Variants in SEMA3A observed in about 807,000 individuals in gnomAD.
The protein encoded by SEMA3A is semaphorin 3A, also known as semaphorin-3A.
Under a neutral mutation model 97.9 loss-of-function variants are expected in SEMA3A, and 29 were observed. The observed-to-expected ratio is 0.30, with a 90% CI of 0.22 to 0.40. The LOEUF (loss-of-function observed/expected upper bound fraction) is 0.40, where lower values mean the gene tolerates loss of function less well. Among genes scored for constraint, SEMA3A ranks in the 10% least tolerant of loss-of-function variants. The pLI, the probability that SEMA3A is intolerant of heterozygous loss-of-function variation, is 1.00. For synonymous variants in SEMA3A, 321 were observed against 323.7 expected, an observed-to-expected ratio of 0.99 and a Z score of 0.09; for missense variants, 763 against 951.3, an observed-to-expected ratio of 0.80 and a Z score of 2.60.
At chr7:84,090,595 G>A (rs1319395986) in intron 4 of SEMA3A, among the ~76,000 whole-genome samples, 3 of 152,018 alleles carry the variant, frequency 2.0e-5, no homozygotes, top group Non-Finnish European at 4.4e-5. Flanking sequence ...ATAAATAAAA[G>A]GGGAACCAAA....
At chr7:84,236,761 C>A (rs1166839256) in intron 3 of SEMA3A, among the ~76,000 whole-genome samples, 1 of 152,110 alleles carries the variant, frequency 6.6e-6, no homozygotes, top group Non-Finnish European at 1.5e-5. Flanking sequence ...AAAACCAATT[C>A]AAGTGTGTTA....
intron 1 of SEMA3A, among the ~76,000 whole-genome samples, chr7:84,161,350 G>A (rs1797028560): frequency 6.6e-6 from 1 of 151,708 alleles, no homozygotes; most frequent in Non-Finnish European, 1.5e-5. Flanking sequence ...GGCAACAAGA[G>A]CAAAATTCCA....
intron 1 of SEMA3A, among the ~76,000 whole-genome samples, chr7:84,465,053 A>C (rs1463711474): frequency 6.6e-6 from 1 of 152,206 alleles, no homozygotes; most frequent in Non-Finnish European, 1.5e-5. Flanking sequence ...AGACTTAAGG[A>C]TAAAAAGTCC....
chr7:84,002,044 C>A lies in SEMA3A; in HGVS notation c.1363G>T (p.Val455Phe), dbSNP rs757107325. ...GAAACTACTTTAAGAACGGTCCCAA[C>A]ATCTTTGAAAGAAAGTGGGGAGAAG... ...QYDVMFIGTD[V>F]GTVLKVVSIP... The change falls in exon 12 of 17, where the codon GTT becomes TTT. Residue 455 changes from valine to phenylalanine, a missense_variant and splice_region_variant. This residue lies in a region of SEMA3A where 678 missense variants were observed against 881.3 expected (regional missense o/e 0.77). Transcript: ENST00000265362. 1.3e-6 allele frequency: 2 copies of A among 1,596,340 alleles called. No individual in the cohort carries two copies. The highest frequency in any genetic ancestry group is 2.2e-5 in the South Asian group (2 of 90,328).
chr7:84,465,302 T>C (rs897416066), intron 1 of SEMA3A, among the ~76,000 whole-genome samples: 22 of 152,144 alleles, frequency 1.4e-4, no homozygotes, highest in African/African-American at 5.1e-4. Context: ...TCCTCATTCA[T>C]ACCCCAATCA....
intron 6 of SEMA3A, among the ~76,000 whole-genome samples, chr7:84,042,866 T>C (rs139576991): frequency 2.6e-5 from 4 of 152,180 alleles, no homozygotes; most frequent in South Asian, 2.1e-4. Context: ...ATATGGACAA[T>C]AACTAGGTAG....
chr7:84,441,040 C>T (rs562011810), intron 1 of SEMA3A, among the ~76,000 whole-genome samples: 1 of 152,170 alleles, frequency 6.6e-6, no homozygotes, highest in Admixed American at 6.5e-5. Flanking sequence ...TGCCTGTAAT[C>T]CCAGCTACTG....
chr7:84,319,510 C>T (rs889445443), intron 2 of SEMA3A, among the ~76,000 whole-genome samples: 16 of 151,814 alleles, frequency 1.1e-4, no homozygotes, highest in African/African-American at 3.9e-4. Context: ...GCTTATTAGC[C>T]AGGAGATTCA....
At position 84,377,678 on chromosome 7, in the gene SEMA3A, C is replaced by A. The variant is rs1010076482; in HGVS notation, c.-245-5778G>T. Among the ~76,000 whole-genome samples the A allele has an allele frequency of 2.0e-5, 3 of 152,212 alleles. No homozygotes were observed. The East Asian group carries it at 5.8e-4, about 29-fold the overall frequency. On this transcript the variant is annotated intron_variant, in intron 1 of 3. Transcript: ENST00000424555. ...CCTGAGGTTGTACAATATTAAGTGG[C>A]ATTGCTGGAATTTGAATCTTTACAG...
intron 3 of SEMA3A, among the ~76,000 whole-genome samples, chr7:84,215,086 T>C (rs1002163039): frequency 1.3e-5 from 2 of 152,156 alleles, no homozygotes; most frequent in African/African-American, 4.8e-5. Context: ...TTGGCCAGGC[T>C]GGTTTTGAAC....
At chr7:84,279,493 A>G (rs1452881355) in intron 3 of SEMA3A, among the ~76,000 whole-genome samples, 1 of 152,148 alleles carries the variant, frequency 6.6e-6, no homozygotes, top group Non-Finnish European at 1.5e-5. Context: ...GGAAAGACTA[A>G]GGAAATGCTC....
chr7:84,230,881 T>C (rs1799101611), intron 3 of SEMA3A, among the ~76,000 whole-genome samples: 1 of 151,984 alleles, frequency 6.6e-6, no homozygotes, highest in East Asian at 1.9e-4. Context: ...GCTCCTGTTG[T>C]TATTTCTAAC....
intron 2 of SEMA3A, among the ~76,000 whole-genome samples, chr7:84,130,019 C>G (rs1007933088): frequency 6.6e-6 from 1 of 152,084 alleles, no homozygotes; most frequent in African/African-American, 2.4e-5. Flanking sequence ...TCCAAATACT[C>G]TCATTTGATT....
chr7:84,064,839 C>G (rs1347889415), intron 4 of SEMA3A, among the ~76,000 whole-genome samples: 100 of 151,730 alleles, frequency 6.6e-4, no homozygotes, highest in African/African-American at 2.3e-3. Context: ...CAACACCCCA[C>G]TGTCAACATT....
chr7:84,109,044 G>T (rs182652113), intron 4 of SEMA3A, among the ~76,000 whole-genome samples: 1 of 151,954 alleles, frequency 6.6e-6, no homozygotes, highest in Non-Finnish European at 1.5e-5. Flanking sequence ...GAGTTCTCTA[G>T]AGCTATCTTC....
At chr7:84,301,333 C>T (rs1414909723) in intron 3 of SEMA3A, among the ~76,000 whole-genome samples, 1 of 152,058 alleles carries the variant, frequency 6.6e-6, no homozygotes, top group Non-Finnish European at 1.5e-5. Flanking sequence ...CACACACACA[C>T]ATGCATATAT....
At chr7:84,283,087 C>T (rs1318981211) in intron 3 of SEMA3A, among the ~76,000 whole-genome samples, 1 of 151,714 alleles carries the variant, frequency 6.6e-6, no homozygotes, top group Non-Finnish European at 1.5e-5. Flanking sequence ...AGCATTTTAA[C>T]AGGTTAATAT....
chr7:84,069,856 C>A (rs17158564), intron 4 of SEMA3A, among the ~76,000 whole-genome samples: 5,232 of 152,088 alleles, frequency 0.034, 129 homozygotes, highest in Middle Eastern at 0.1. Flanking sequence ...TGAGCAAGAC[C>A]TTAATTTAGA....
At chr7:84,005,881 G>A (rs1233283366) in intron 10 of SEMA3A, among the ~76,000 whole-genome samples, 2 of 152,042 alleles carry the variant, frequency 1.3e-5, no homozygotes, top group South Asian at 2.1e-4. Context: ...CCTGGGAGGT[G>A]GAGGTTGCAG....
Sources: allele counts gnomAD v4.1 joint callset (sites outside exome capture counted in the v4.1 genomes callset), GRCh38; gene constraint gnomAD v4.1.1; regional missense constraint gnomAD v4.1.1; transcripts MANE v1.5; gene names NCBI Gene and HGNC (gene_info 2026-07-23, HGNC 2026-07-21).